Variants in ANKS1B observed in about 807,000 individuals in gnomAD.
ANKS1B encodes the protein ankyrin repeat and sterile alpha motif domain containing 1B, also known as ankyrin repeat and sterile alpha motif domain-containing protein 1B.
ANKS1B carries 36 observed loss-of-function variants against 148.3 expected under a neutral mutation model. The observed-to-expected ratio is 0.24, with a 90% confidence interval of 0.19 to 0.32. The LOEUF is 0.32. Among genes scored for constraint, ANKS1B ranks in the 10% least tolerant of loss-of-function variants. ANKS1B has a pLI of 1.00. For missense variants in ANKS1B, 1,157 were observed against 1,542.6 expected (o/e 0.75, Z 4.19); for synonymous variants, 542 against 560.8 (o/e 0.97, Z 0.47).
intron 25 of ANKS1B, among the ~76,000 whole-genome samples, chr12:98,758,780 CTTTTTTTTT>C (rs59375322): frequency 1.7e-5 from 2 of 120,630 alleles, no homozygotes; most frequent in Non-Finnish European, 3.3e-5. Flanking sequence ...CTTTTCCTTC[CTTTTTTTTT>C]TTTTTTTTTG....
intron 11 of ANKS1B, among the ~76,000 whole-genome samples, chr12:99,436,407 C>T (rs2095461444): frequency 6.6e-6 from 1 of 152,000 alleles, no homozygotes; most frequent in Non-Finnish European, 1.5e-5. Context: ...ATAAAATACT[C>T]AATACTCAAT....
chr12:99,145,117 C>T (rs591776), intron 15 of ANKS1B, among the ~76,000 whole-genome samples: 88,728 of 151,840 alleles, frequency 0.58, 26,087 homozygotes, highest in Non-Finnish European at 0.63. Context: ...AATAAACCTG[C>T]TCCAAGAGAA....
intron 10 of ANKS1B, among the ~76,000 whole-genome samples, chr12:99,471,657 CACACACACACACAT>C (rs1336977926): frequency 1.3e-5 from 2 of 151,938 alleles, no homozygotes; most frequent in Admixed American, 6.6e-5. Flanking sequence ...TGCACACACA[CACACACACACACAT>C]ACACACGCTC....
chr12:98,942,936 A>G (rs1367570712), intron 17 of ANKS1B, among the ~76,000 whole-genome samples: 2 of 152,248 alleles, frequency 1.3e-5, no homozygotes, highest in Non-Finnish European at 2.9e-5. Context: ...TGTCGGAAAC[A>G]ACACCAAATA....
chr12:99,859,936 C>T (rs980054066), intron 1 of ANKS1B, among the ~76,000 whole-genome samples: 1 of 152,174 alleles, frequency 6.6e-6, no homozygotes, highest in African/African-American at 2.4e-5. Context: ...GCATGGGCCA[C>T]CGCGCCCGGC....
intron 1 of ANKS1B, among the ~76,000 whole-genome samples, chr12:99,974,669 C>T (rs1339882920): frequency 2.0e-5 from 3 of 151,910 alleles, no homozygotes; most frequent in African/African-American, 2.4e-5. Context: ...CCCAGGAGTT[C>T]GAGACCAACC....
chr12:99,538,325 T>C (rs565246939), intron 9 of ANKS1B, among the ~76,000 whole-genome samples: 3 of 152,264 alleles, frequency 2.0e-5, no homozygotes, highest in African/African-American at 4.8e-5. Context: ...AGGGATTTCA[T>C]TGAATCTGTA....
chr12:99,079,087 G>A (rs2048805420), intron 16 of ANKS1B, among the ~76,000 whole-genome samples: 1 of 152,194 alleles, frequency 6.6e-6, no homozygotes, highest in Non-Finnish European at 1.5e-5. Context: ...CTACAACCAT[G>A]TGAGTGAGTT....
chr12:99,075,852 A>G (rs2047689567), intron 16 of ANKS1B, among the ~76,000 whole-genome samples: 1 of 148,406 alleles, frequency 6.7e-6, no homozygotes, highest in African/African-American at 2.4e-5. Context: ...GTTTTATATT[A>G]TATATACTAT....
intron 8 of ANKS1B, among the ~76,000 whole-genome samples, chr12:99,715,036 G>A (rs1220370979): frequency 6.6e-6 from 1 of 151,910 alleles, no homozygotes; most frequent in African/African-American, 2.4e-5. Context: ...GGCTAAGGCA[G>A]GAGAATAGCT....
chr12:99,374,805 T>C (rs2093320010), intron 12 of ANKS1B, among the ~76,000 whole-genome samples: 6 of 152,342 alleles, frequency 3.9e-5, no homozygotes, highest in South Asian at 2.1e-4. Flanking sequence ...TTGTTGTTTA[T>C]GGGTTTCAAT....
chr12:99,550,630 A>C (rs1260804784), intron 9 of ANKS1B, among the ~76,000 whole-genome samples: 2 of 151,930 alleles, frequency 1.3e-5, no homozygotes, highest in African/African-American at 2.4e-5. Flanking sequence ...TCTCAAAAAA[A>C]AAAAAAAATT....
chr12:99,335,137 C>T (rs901142491), intron 12 of ANKS1B, among the ~76,000 whole-genome samples: 16 of 151,896 alleles, frequency 1.1e-4, no homozygotes, highest in African/African-American at 2.9e-4. Flanking sequence ...TTTCTATTTA[C>T]GTGTTGTATT....
rs537293024 is a variant in ANKS1B, at chr12:99,245,303, T to C, written c.2347-889A>G. 1.1e-4 allele frequency among the ~76,000 whole-genome samples: 17 copies of C among 152,306 alleles called. 1 individual carries two copies. The East Asian group carries it at 3.3e-3, about 29-fold the overall frequency. The stretch of plus-strand genomic sequence containing the variant: ...CTCTACAAAAGGATCTCAGATGTTA[T>C]TCACTAAATTAATAAATATAAGAAA... On this transcript the variant is annotated intron_variant, in intron 13 of 26. Transcript: ENST00000683438.
chr12:98,739,937 C>T (rs897486527), downstream of ANKS1B, among the ~76,000 whole-genome samples: 1 of 152,170 alleles, frequency 6.6e-6, no homozygotes, highest in Non-Finnish European at 1.5e-5. Flanking sequence ...ACCTCCTTCT[C>T]CTTATGGCCA....
intron 8 of ANKS1B, among the ~76,000 whole-genome samples, chr12:99,676,179 T>C (rs369225945): frequency 3.9e-5 from 6 of 152,174 alleles, no homozygotes; most frequent in Admixed American, 3.9e-4. Context: ...CCTTCTGCCA[T>C]TGTTTTAAGT....
At chr12:99,671,419 A>T (rs529936175) in intron 8 of ANKS1B, among the ~76,000 whole-genome samples, 25 of 152,160 alleles carry the variant, frequency 1.6e-4, no homozygotes, top group Admixed American at 2.6e-4. Context: ...GTCTCTCAAC[A>T]GCCCCGCAAT....
chr12:99,008,001 C>A (rs980789869), intron 17 of ANKS1B, among the ~76,000 whole-genome samples: 1 of 151,798 alleles, frequency 6.6e-6, no homozygotes. Flanking sequence ...TCTAACTACA[C>A]TGCTTGCATT....
At chr12:99,026,328 C>T (rs547666006) in intron 17 of ANKS1B, among the ~76,000 whole-genome samples, 7 of 152,258 alleles carry the variant, frequency 4.6e-5, no homozygotes, top group African/African-American at 1.2e-4. Flanking sequence ...TTTCCCTATA[C>T]CTATGGGCAT....
Sources: allele counts gnomAD v4.1 joint callset (sites outside exome capture counted in the v4.1 genomes callset), GRCh38; gene constraint gnomAD v4.1.1; transcripts MANE v1.5; gene names NCBI Gene and HGNC (gene_info 2026-07-23, HGNC 2026-07-21).